Variants in PLEKHG2 observed in about 807,000 individuals in gnomAD.
PLEKHG2 encodes the protein pleckstrin homology domain-containing family G member 2.
Under a neutral mutation model 104.4 loss-of-function variants are expected in PLEKHG2, and 71 were observed. The observed-to-expected ratio is 0.68, with a 90% CI of 0.56 to 0.83. PLEKHG2 has a LOEUF of 0.83. Ranked by LOEUF, PLEKHG2 falls within the 40% of genes least tolerant of loss-of-function variation. The pLI is 0.00. For missense variants in PLEKHG2, 1,730 were observed against 1,809.4 expected (o/e 0.96, Z 0.80); for synonymous variants, 728 against 737.0 (o/e 0.99, Z 0.20).
At position 39,416,834 on chromosome 19, in the gene PLEKHG2, T is replaced by G. The variant is rs766312963; in HGVS notation, c.594-16T>G. 17 of 1,585,216 alleles carry G rather than the reference T, an allele frequency of 1.1e-5. No individual in the cohort carries two copies. Among genetic ancestry groups the G allele is most frequent in the African/African-American group, 1.4e-5 (1 of 73,932 alleles). On this transcript the variant is annotated splice_polypyrimidine_tract_variant and intron_variant, in intron 6 of 18. Coordinates refer to ENST00000425673, the MANE Select transcript of PLEKHG2 (RefSeq NM_022835.3). This position sits in a 1 kb window ranked among gnomAD's most constrained non-coding sequence, Gnocchi z 4.5. ...CTGGAACTGACAATCCCCACTGACC[T>G]GTGCTGTGCCCCCAGCTCCCTGGCC...
Position 39,423,529 on chromosome 19 carries a change from C to A in PLEKHG2, c.2475C>A (p.Ser825Arg). Residue 825 changes from serine (S) to arginine (R), a missense_variant, in exon 18 of 19, where the codon AGC becomes AGA. Ser to Arg is a moderately radical substitution (Grantham distance 110). Coordinates refer to ENST00000425673, the MANE Select transcript of PLEKHG2 (RefSeq NM_022835.3). ...TGCGAGAGCTGGCCCGGCTTTACAG[C>A]GAGCGGATCCAGCAGATGCAGCGGG... is the stretch of plus-strand genomic sequence containing the variant. ...SRVRELARLY[S>R]ERIQQMQRAE... The A allele has an allele frequency of 6.4e-7, 1 of 1,561,672 alleles. No homozygotes were observed. Among genetic ancestry groups the A allele is most frequent in the Non-Finnish European group, 8.7e-7 (1 of 1,152,596 alleles).
At chr19:39,417,864 C>A (rs2078632401) in intron 8 of PLEKHG2, 41 bp from the exon 9 acceptor site, 2 of 1,516,978 alleles carry the variant, frequency 1.3e-6, no homozygotes, top group Non-Finnish European at 1.8e-6. Flanking sequence ...CCTACCCATG[C>A]TTGTCTCTGC....
In PLEKHG2 at chr19:39,422,136, C is replaced by G. The variant is rs2146008754; in HGVS notation, c.1525C>G (p.Leu509Val). The change falls in exon 17 of 19, where the codon CTC (leucine) becomes GTC (valine). Residue 509 changes from leucine to valine, a missense_variant. Physicochemically the swap from Leu to Val is conservative, Grantham distance 32 (BLOSUM62 1). Transcript: ENST00000425673. Reference sequence around the variant, plus strand: ...ACAGCACGCTGGCAGCGAAGGGGAACTCTACCCTCCAGAATCTCAGCCACC... The same window carrying G: ...ACAGCACGCTGGCAGCGAAGGGGAAGTCTACCCTCCAGAATCTCAGCCACC... Reference protein sequence around the residue: ...GFKHAGSEGELYPPESQPPVS... With the variant: ...GFKHAGSEGEVYPPESQPPVS... The G allele has an allele frequency of 1.2e-6, 2 of 1,610,900 alleles. No homozygotes were observed. The highest frequency in any genetic ancestry group is 1.7e-4 in the Middle Eastern group (1 of 6,052).
rs16746 is a variant in PLEKHG2, at chr19:39,425,470, GGGA to G, written c.*180_*182del. ...TGCCTTGATCCACAGGGATGGGGAA[GGGA>G]GGAATGTCATTAATGTTTTGTTAAT... On this transcript the variant is annotated 3_prime_UTR_variant, in exon 19 of 19. Coordinates refer to ENST00000425673, the MANE Select transcript of PLEKHG2 (RefSeq NM_022835.3). 525,543 of 982,836 alleles carry G rather than the reference GGGA, an allele frequency of 0.53. 145,396 individuals carry two copies. The highest frequency in any genetic ancestry group is 0.8 in the African/African-American group (46,827 of 58,802). 60.9% of individuals were successfully genotyped at this position (982,836 alleles called of 1,614,324 possible).
Position 39,423,949 on chromosome 19 carries a change from C to T in PLEKHG2, c.2816C>T (p.Pro939Leu). ...GIHVSAATLL[P>L]EQGGSRHVQA... ...CACGTTTCAGCTGCTACCCTTTTGCCTGAGCAAGGAGGTTCCCGGCATGTC... is the reference window on the plus strand; with the variant it reads ...CACGTTTCAGCTGCTACCCTTTTGCTTGAGCAAGGAGGTTCCCGGCATGTC... The change falls in exon 19 of 19, where the codon CCT (proline) becomes CTT (leucine). Residue 939 changes from proline to leucine, a missense_variant. Physicochemically the swap from Pro to Leu is moderately conservative, Grantham distance 98 (BLOSUM62 -3). Transcript: ENST00000425673. The T allele has an allele frequency of 6.2e-7, 1 of 1,614,202 alleles. No homozygotes were observed. Among genetic ancestry groups the T allele is most frequent in the Non-Finnish European group, 8.5e-7 (1 of 1,180,016 alleles).
At chr19:39,418,672 C>T (rs554745815) in intron 9 of PLEKHG2, 62 bp from the exon 10 acceptor site, 77 of 1,355,338 alleles carry the variant, frequency 5.7e-5, no homozygotes, top group Admixed American at 7.3e-5. Flanking sequence ...AGGGTGTCTC[C>T]GTACAAGGGG....
rs907643494 is a variant in PLEKHG2 at position 39,427,151 on chromosome 19, G to A, written c.*1857G>A. 2.6e-5 allele frequency: 4 copies of A among 151,760 alleles called. No homozygotes were observed. Among genetic ancestry groups the A allele is most frequent in the Non-Finnish European group, 4.4e-5 (3 of 68,020 alleles). The allele number at this position is 151,760 out of a possible 1,614,324, so 9.4% of individuals were successfully genotyped here. On this transcript the variant is annotated 3_prime_UTR_variant, in exon 19 of 19. Transcript: ENST00000425673. ...CGCCATTCTCCTGCCTCAGCCTCCCGAGTAGCTGGGACCACAGGTGCCCGC... is the reference window on the plus strand; with the variant it reads ...CGCCATTCTCCTGCCTCAGCCTCCCAAGTAGCTGGGACCACAGGTGCCCGC...
chr19:39,425,153 C>T lies in PLEKHG2; in HGVS notation c.4020C>T (p.Asn1340=), dbSNP rs2078765497. Residue 1340 remains asparagine (N), a synonymous_variant, in exon 19 of 19, where the codon AAC becomes AAT. Coordinates refer to ENST00000425673, the MANE Select transcript of PLEKHG2 (RefSeq NM_022835.3). The stretch of plus-strand genomic sequence containing the variant: ...GGCTCAGCTATGCCACGACGGTTAA[C>T]ATCCACGTGGGCGGGGGTGGGCGGC... ...ARRLSYATTV[N]IHVGGGGRLR... 6.3e-7 allele frequency: 1 copy of T among 1,594,834 alleles called. No individual in the cohort carries two copies. Among genetic ancestry groups the T allele is most frequent in the Admixed American group, 1.8e-5 (1 of 55,784 alleles).
rs371399586 is a variant in PLEKHG2 at position 39,417,669 on chromosome 19, C to A, written c.859C>A (p.Gln287Lys). The change falls in exon 8 of 19, where the codon CAG (glutamine) becomes AAG (lysine). Residue 287 changes from glutamine (Q) to lysine (K), a missense_variant. Physicochemically the swap from Gln to Lys is moderately conservative, Grantham distance 53 (BLOSUM62 1). Transcript: ENST00000425673. ...AWYINDMKRK[Q>K]EHAARLQEVQ... ...GTACATCAACGACATGAAGCGCAAG[C>A]AGGAGCATGCAGCGCGCCTCCAGGT... 35 of 1,611,244 alleles carry A rather than the reference C, an allele frequency of 2.2e-5. No homozygotes were observed. Among genetic ancestry groups the A allele is most frequent in the Non-Finnish European group, 2.7e-5 (32 of 1,179,762 alleles).
At position 39,424,512 on chromosome 19, in the gene PLEKHG2, G is replaced by A. The variant is rs762322753; in HGVS notation, c.3379G>A (p.Ala1127Thr). 15 of 1,613,786 alleles carry A rather than the reference G, an allele frequency of 9.3e-6. No homozygotes were observed. The South Asian group carries it at 9.9e-5, about 11-fold the overall frequency. ...SHLDHRIPANAPLSLSQELPD... is the reference protein window; with the variant it reads ...SHLDHRIPANTPLSLSQELPD... ...CCTGGACCATCGGATCCCAGCCAACGCCCCACTGTCTTTGTCCCAGGAGCT... is the reference window on the plus strand; with the variant it reads ...CCTGGACCATCGGATCCCAGCCAACACCCCACTGTCTTTGTCCCAGGAGCT... The change falls in exon 19 of 19, where the codon GCC becomes ACC. Residue 1127 changes from alanine (A) to threonine (T), a missense_variant. Coordinates refer to ENST00000425673, the MANE Select transcript of PLEKHG2 (RefSeq NM_022835.3).
At position 39,425,341 on chromosome 19, in the gene PLEKHG2, A is replaced by C; in HGVS notation, c.*47A>C. 6.4e-7 allele frequency: 1 copy of C among 1,567,482 alleles called. No individual in the cohort carries two copies. Among genetic ancestry groups the C allele is most frequent in the Non-Finnish European group, 8.6e-7 (1 of 1,160,316 alleles). On this transcript the variant is annotated 3_prime_UTR_variant, in exon 19 of 19. Transcript: ENST00000425673. ...GAAGCAAGGATTTCAGCCAGATGCC[A>C]TAGACCCTCAGAACTTGACCTGGAA... is the stretch of plus-strand genomic sequence containing the variant.
chr19:39,419,098 C>T, intron 11 of PLEKHG2, 95 bp downstream of exon 11: 1 of 1,169,446 alleles, frequency 8.6e-7, no homozygotes, highest in Non-Finnish European at 1.2e-6. Context: ...CCAGAGCAGT[C>T]TGTTATAATG....
rs1330687055 is a variant in PLEKHG2 at position 39,423,421 on chromosome 19, G to A, written c.2367G>A (p.Leu789=). ...GGCCAGGCTTCCCAGAGCCACTGCT[G>A]ATCCTGGAGGATTCGGATCTGGGTG... ...LARPGFPEPL[L]ILEDSDLGGD... The change falls in exon 18 of 19, where the codon CTG becomes CTA. Residue 789 remains leucine (L), a synonymous_variant. Coordinates refer to ENST00000425673, the MANE Select transcript of PLEKHG2 (RefSeq NM_022835.3). The A allele has an allele frequency of 6.2e-7, 1 of 1,610,828 alleles. No homozygotes were observed.
At chr19:39,420,570 C>T in intron 11 of PLEKHG2, 56 bp from the exon 12 acceptor site, 1 of 1,610,598 alleles carries the variant, frequency 6.2e-7, no homozygotes, top group Non-Finnish European at 8.5e-7. Flanking sequence ...TTAAAGTATC[C>T]TCTCTGTGGT....
chr19:39,419,652 C>G (rs569742036), intron 11 of PLEKHG2, among the ~76,000 whole-genome samples: 2 of 151,382 alleles, frequency 1.3e-5, no homozygotes, highest in African/African-American at 4.8e-5. Context: ...CCGAGGCGGG[C>G]GGATCACGAG....
Position 39,417,599 on chromosome 19 carries a change from C to T in PLEKHG2, c.789C>T (p.Arg263=), listed in dbSNP as rs759041640. 6.8e-6 allele frequency: 11 copies of T among 1,614,090 alleles called. 1 individual carries two copies. In the South Asian group the frequency reaches 7.7e-5, roughly 11 times the overall value. ...HWAEGPGTGG[R]EMVEEAIVSM... ...CGGAGGGCCCAGGCACTGGGGGTCG[C>T]GAGATGGTGGAGGAAGCTATTGTGT... The change falls in exon 8 of 19, where the codon CGC becomes CGT. Residue 263 remains arginine, a synonymous_variant. Transcript: ENST00000425673.
rs933185457 is a variant in PLEKHG2, at chr19:39,413,083, C to G, written c.-352C>G. ...CTTTGGGACCCCCCTGTGCTCCCAC[C>G]TGGAGGGAGTTTCATTCCTGCCCCT... On this transcript the variant is annotated 5_prime_UTR_variant, in exon 1 of 19. Coordinates refer to ENST00000425673, the MANE Select transcript of PLEKHG2 (RefSeq NM_022835.3). This position sits in a 1 kb window ranked among gnomAD's most constrained non-coding sequence, Gnocchi z 4.5. 5.3e-5 allele frequency: 8 copies of G among 152,236 alleles called. No homozygotes were observed. The highest frequency in any genetic ancestry group is 1.0e-4 in the Non-Finnish European group (7 of 68,070). 9.4% of individuals were successfully genotyped at this position (152,236 alleles called of 1,614,324 possible).
chr19:39,413,141 C>A lies in PLEKHG2; in HGVS notation c.-294C>A, dbSNP rs2078545002. 1 of 152,264 alleles carries A rather than the reference C, an allele frequency of 6.6e-6. No individual in the cohort carries two copies. Among genetic ancestry groups the A allele is most frequent in the Non-Finnish European group, 1.5e-5 (1 of 68,096 alleles). 9.4% of individuals were successfully genotyped at this position (152,264 alleles called of 1,614,324 possible). A position where few individuals can be genotyped will look rare whatever the true frequency, so the allele number is the denominator to read the frequency against. On this transcript the variant is annotated 5_prime_UTR_variant, in exon 1 of 19. Transcript: ENST00000425673. This position sits in a 1 kb window ranked among gnomAD's most constrained non-coding sequence, Gnocchi z 4.5. ...GGGGAACTCAGAAATCCATCCCCCA[C>A]CCCACGGCCCTACCTAGAAGACTTA... is the stretch of plus-strand genomic sequence containing the variant.
intron 7 of PLEKHG2, 61 bp from the exon 8 acceptor site, chr19:39,417,494 A>C: frequency 6.3e-7 from 1 of 1,581,714 alleles, no homozygotes; most frequent in Non-Finnish European, 8.6e-7. Flanking sequence ...TGTTATTCTC[A>C]TTCTCTTTCT....
Sources: gnomAD v4.1 joint callset for allele counts (sites outside exome capture counted in the v4.1 genomes callset) on GRCh38, gnomAD v4.1.1 for gene constraint, Gnocchi (gnomAD v3.1) non-coding constraint, MANE v1.5 for transcripts, NCBI Gene and HGNC (gene_info 2026-07-23, HGNC 2026-07-21) for gene names.